The following SSH2 variants were observed in gnomAD, a reference collection of about 807,000 sequenced individuals.
The protein encoded by SSH2 is protein phosphatase Slingshot homolog 2.
In SSH2, 37 loss-of-function variants were observed where a neutral mutation model predicts 135.2. The observed-to-expected ratio is 0.27, with a 90% CI of 0.21 to 0.36. The LOEUF (loss-of-function observed/expected upper bound fraction) is 0.36. Among genes scored for constraint, SSH2 ranks in the 10% least tolerant of loss-of-function variants. The pLI is 1.00. For missense variants in SSH2, 1,408 were observed against 1,765.3 expected (o/e 0.80, Z 3.63); for synonymous variants, 628 against 646.2 (o/e 0.97, Z 0.43).
At chr17:29,767,519 T>A (rs913658312) in intron 3 of SSH2, among the ~76,000 whole-genome samples, 2 of 152,006 alleles carry the variant, frequency 1.3e-5, no homozygotes, top group African/African-American at 4.8e-5. Context: ...CTCATTCTCA[T>A]CATCTTACTC....
rs115845531 is a variant in SSH2 at position 29,877,454 on chromosome 17, C to A, written c.64-28525G>T. 4.6e-3 allele frequency among the ~76,000 whole-genome samples: 693 copies of A among 152,242 alleles called. 8 individuals carry two copies. Among genetic ancestry groups the A allele is most frequent in the African/African-American group, 0.016 (655 of 41,554 alleles). On this transcript the variant is annotated intron_variant, in intron 1 of 15. Transcript: ENST00000540801. The stretch of plus-strand genomic sequence containing the variant: ...TAGTTGTGGCACTGTCTACAATAGC[C>A]AAGATCTGGAAGCAACCTAAGTGTC...
chr17:29,660,352 T>G (rs920299747), intron 11 of SSH2, among the ~76,000 whole-genome samples: 2 of 150,056 alleles, frequency 1.3e-5, no homozygotes, highest in African/African-American at 4.9e-5. Context: ...CCGCAACCTC[T>G]GCCTCCCAGG....
chr17:29,636,715 T>C lies in SSH2; in HGVS notation c.1515A>G (p.Glu505=), dbSNP rs923836173. The change falls in exon 15 of 16, where the codon GAA becomes GAG. Residue 505 remains glutamate (E), a synonymous_variant. Coordinates refer to ENST00000540801, the MANE Select transcript of SSH2 (RefSeq NM_001282129.2). ...HHEPICKPGL[E]LNKKDITTSA... is the part of the protein sequence containing the mutation. ...AGGTGGTGATATCCTTCTTGTTGAG[T>C]TCTAGCCCAGGTTTGCAGATGGGTT... 4 of 1,613,990 alleles carry C rather than the reference T, an allele frequency of 2.5e-6. No homozygotes were observed. Among genetic ancestry groups the C allele is most frequent in the African/African-American group, 2.7e-5 (2 of 74,896 alleles).
At chr17:29,751,729 G>A (rs137862340) in intron 3 of SSH2, among the ~76,000 whole-genome samples, 41 of 152,256 alleles carry the variant, frequency 2.7e-4, no homozygotes, top group African/African-American at 9.4e-4. Flanking sequence ...ATGTTGTTAT[G>A]TGGTGCATAA....
chr17:29,754,703 G>A (rs1373218777), intron 3 of SSH2, among the ~76,000 whole-genome samples: 1 of 152,000 alleles, frequency 6.6e-6, no homozygotes, highest in Non-Finnish European at 1.5e-5. Context: ...GTTTTGCTCT[G>A]TTGCCCAGGC....
At chr17:29,725,039 A>G (rs918281325) in intron 3 of SSH2, among the ~76,000 whole-genome samples, 2 of 151,886 alleles carry the variant, frequency 1.3e-5, no homozygotes, top group African/African-American at 2.4e-5. Context: ...GAATACAGCA[A>G]TGAACTTTTA....
intron 2 of SSH2, among the ~76,000 whole-genome samples, chr17:29,826,727 C>A (rs1371275085): frequency 6.6e-6 from 1 of 152,126 alleles, no homozygotes; most frequent in African/African-American, 2.4e-5. Flanking sequence ...CCAGAGAGAC[C>A]TATATCCATC....
At position 29,626,805 on chromosome 17, in the gene SSH2, A is replaced by G. The variant is rs1163886681; in HGVS notation, c.*4036T>C. On this transcript the variant is annotated 3_prime_UTR_variant, in exon 16 of 16. Coordinates refer to ENST00000540801, the MANE Select transcript of SSH2 (RefSeq NM_001282129.2). ...CAGCAAATATGCTTGTGTCTAATAC[A>G]TGCCTTGATCTTTTAGTTTGGAAGG... 2 of 152,656 alleles carry G rather than the reference A, an allele frequency of 1.3e-5. No individual in the cohort carries two copies. The highest frequency in any genetic ancestry group is 2.9e-5 in the Non-Finnish European group (2 of 68,038). 9.5% of individuals were successfully genotyped at this position (152,656 alleles called of 1,614,324 possible).
At chr17:29,729,118 A>G (rs116686552) in intron 3 of SSH2, among the ~76,000 whole-genome samples, 23 of 152,312 alleles carry the variant, frequency 1.5e-4, no homozygotes, top group African/African-American at 5.5e-4. Context: ...ATGGGAAAAA[A>G]TATCTATAAA....
intron 11 of SSH2, among the ~76,000 whole-genome samples, chr17:29,656,005 A>G (rs1021929358): frequency 6.6e-6 from 1 of 152,138 alleles, no homozygotes; most frequent in Non-Finnish European, 1.5e-5. Context: ...CTTTCTAACT[A>G]CCTTTAATAT....
In SSH2 at chr17:29,913,345, A is replaced by ATTATATATATAT. The variant is rs1463500620; in HGVS notation, c.63+16592_63+16593insATATATATATAA. On this transcript the variant is annotated intron_variant, in intron 1 of 15. Transcript: ENST00000540801. The stretch of plus-strand genomic sequence containing the variant: ...AAAAAAAAAAAAAAAAAAAAAAAAA[A>ATTATATATATAT]AAATATATATATATATATATATATA... 1.3e-4 allele frequency among the ~76,000 whole-genome samples: 5 copies of ATTATATATATAT among 37,518 alleles called. No homozygotes were observed. The South Asian group carries it at 3.5e-3, about 26-fold the overall frequency. The allele number at this position is 37,518 out of a possible 152,430, so 24.6% of individuals were successfully genotyped here.
intron 1 of SSH2, among the ~76,000 whole-genome samples, chr17:29,917,053 CCTTTTT>C (rs1734309269): frequency 6.6e-6 from 1 of 151,666 alleles, no homozygotes; most frequent in African/African-American, 2.4e-5. Flanking sequence ...CAGGTTTTTC[CCTTTTT>C]CTTTAAGTGA....
intron 2 of SSH2, among the ~76,000 whole-genome samples, chr17:29,818,310 G>A (rs983947129): frequency 2.0e-5 from 3 of 148,282 alleles, no homozygotes; most frequent in Non-Finnish European, 4.4e-5. Flanking sequence ...GTGCAGTTGC[G>A]TGATCTTGGC....
At chr17:29,680,551 C>CAAAAAA (rs1160865828) in intron 6 of SSH2, among the ~76,000 whole-genome samples, 3,107 of 21,532 alleles carry the variant, frequency 0.14, 1,230 homozygotes, top group Middle Eastern at 0.36. Context: ...GACTCCCTCT[C>CAAAAAA]AAAAAAAAAA....
At position 29,726,613 on chromosome 17, in the gene SSH2, G is replaced by A. The variant is rs183113107; in HGVS notation, c.189-23551C>T. ...AGATACCATGGGGGCTATTTGTCTAGTTTATTTTTTAGTACAATGGTAAAT... is the reference window on the plus strand; with the variant it reads ...AGATACCATGGGGGCTATTTGTCTAATTTATTTTTTAGTACAATGGTAAAT... On this transcript the variant is annotated intron_variant, in intron 3 of 15. Transcript: ENST00000540801. 1.7e-3 allele frequency among the ~76,000 whole-genome samples: 266 copies of A among 152,280 alleles called. 1 individual carries two copies. Among genetic ancestry groups the A allele is most frequent in the Non-Finnish European group, 2.7e-3 (184 of 68,008 alleles).
At position 29,859,956 on chromosome 17, in the gene SSH2, C is replaced by G. The variant is rs377446331; in HGVS notation, c.64-11027G>C. 1.9e-4 allele frequency among the ~76,000 whole-genome samples: 29 copies of G among 152,266 alleles called. 1 individual carries two copies. The East Asian group carries it at 4.4e-3, about 23-fold the overall frequency. ...CCACCTCCTGAGTTCAAGCGATTCT[C>G]CTGCCTCAACCTCCTGAGTAGCTGG... On this transcript the variant is annotated intron_variant, in intron 1 of 15. Coordinates refer to ENST00000540801, the MANE Select transcript of SSH2 (RefSeq NM_001282129.2).
At chr17:29,787,772 C>T (rs376381556) in intron 3 of SSH2, 1 of 151,362 alleles carries the variant, frequency 6.6e-6, no homozygotes, top group African/African-American at 2.4e-5. Context: ...TGTACTGTTA[C>T]CCAGGCTGGA....
chr17:29,907,449 T>A (rs538675943), intron 1 of SSH2, among the ~76,000 whole-genome samples: 27 of 152,342 alleles, frequency 1.8e-4, no homozygotes, highest in Middle Eastern at 3.4e-3. Context: ...CAAACCATCA[T>A]GGTACATGTT....
chr17:29,753,426 C>T (rs554779254), intron 3 of SSH2, among the ~76,000 whole-genome samples: 9 of 151,990 alleles, frequency 5.9e-5, no homozygotes, highest in East Asian at 1.9e-4. Flanking sequence ...CCACTGCGCC[C>T]GGCTTATCTG....
Sources: allele counts gnomAD v4.1 joint callset (sites outside exome capture counted in the v4.1 genomes callset), GRCh38; gene constraint gnomAD v4.1.1; transcripts MANE v1.5; gene names NCBI Gene and HGNC (gene_info 2026-07-23, HGNC 2026-07-21).